The following FBRS variants were observed in gnomAD, a reference collection of about 807,000 sequenced individuals.
The protein encoded by FBRS is probable fibrosin-1.
FBRS carries 15 observed loss-of-function variants against 86.1 expected under a neutral mutation model. That is an observed-to-expected ratio of 0.17 (90% confidence interval 0.12 to 0.27). FBRS has a LOEUF of 0.27. Ranked by LOEUF, FBRS falls within the 10% of genes least tolerant of loss-of-function variation. The pLI is 1.00. For missense variants in FBRS, 1,367 were observed against 1,301.6 expected (o/e 1.05, Z -0.77); for synonymous variants, 666 against 575.8 (o/e 1.16, Z -2.24).
In FBRS at chr16:30,662,823, C is replaced by G; in HGVS notation, c.1019C>G (p.Ser340Cys). 6.8e-7 allele frequency: 1 copy of G among 1,465,230 alleles called. No individual in the cohort carries two copies. Among genetic ancestry groups the G allele is most frequent in the East Asian group, 2.5e-5 (1 of 39,958 alleles). The allele number at this position is 1,465,230 out of a possible 1,614,324, so 90.8% of individuals were successfully genotyped here. ...GTCTCACCCTTCGGCCTCCGCACTT[C>G]TCCATATGGCAGCAGCCTGGACCTC... ...LRVSPFGLRT[S>C]PYGSSLDLST... The change falls in exon 6 of 18, where the codon TCT (serine) becomes TGT (cysteine). Residue 340 changes from serine to cysteine, a missense_variant. By Grantham distance (112) the Ser-to-Cys change is moderately radical. Around this residue, in one of 3 missense-constraint regions of FBRS, gnomAD observed 702 missense variants for 598.7 expected, o/e 1.17. Coordinates refer to ENST00000356166, the MANE Select transcript of FBRS (RefSeq NM_001105079.3).
rs372786194 is a variant in FBRS, at chr16:30,668,572, G to A, written c.2087G>A (p.Arg696His). The change falls in exon 16 of 18, where the codon CGT becomes CAT. Residue 696 changes from arginine to histidine, a missense_variant. By Grantham distance (29) the Arg-to-His change is conservative. This residue lies in a region of FBRS where 659 missense variants were observed against 678.8 expected (regional missense o/e 0.97). Coordinates refer to ENST00000356166, the MANE Select transcript of FBRS (RefSeq NM_001105079.3). ...TTTCCTCCCACAGATCCCTTTGGGC[G>A]TCCCACAAGCTTCGCCTCTTTGGCT... ...SPSTHIDPFG[R>H]PTSFASLAAL... is the part of the protein sequence containing the mutation. 25 of 1,612,080 alleles carry A rather than the reference G, an allele frequency of 1.6e-5. No individual in the cohort carries two copies. The highest frequency in any genetic ancestry group is 6.7e-5 in the East Asian group (3 of 44,812).
chr16:30,668,666 G>A (rs199535033), intron 16 of FBRS, 23 bp downstream of exon 16: 21 of 1,583,912 alleles, frequency 1.3e-5, no homozygotes, highest in Middle Eastern at 1.7e-4. Flanking sequence ...GCGGTGGGGT[G>A]GGGGGGCTGC....
Position 30,670,011 on chromosome 16 carries a change from G to A in FBRS, c.*366G>A, listed in dbSNP as rs1021992298. ...GCCAGAGGCCAAAGTGCCCCCTCCC[G>A]TTCACCTACCACCCAAGTCCTCATG... is the stretch of plus-strand genomic sequence containing the variant. On this transcript the variant is annotated 3_prime_UTR_variant, in exon 18 of 18. Coordinates refer to ENST00000356166, the MANE Select transcript of FBRS (RefSeq NM_001105079.3). 12 of 512,660 alleles carry A rather than the reference G, an allele frequency of 2.3e-5. No homozygotes were observed. Among genetic ancestry groups the A allele is most frequent in the Admixed American group, 4.9e-5 (2 of 40,404 alleles). The allele number at this position is 512,660 out of a possible 1,614,324, so 31.8% of individuals were successfully genotyped here.
intron 4 of FBRS, 30 bp from the exon 5 acceptor site, chr16:30,662,390 C>G (rs2052471940): frequency 6.5e-7 from 1 of 1,549,972 alleles, no homozygotes; most frequent in African/African-American, 1.4e-5. Context: ...CACCCACAAC[C>G]TAACTCTATC....
Position 30,665,026 on chromosome 16 carries a change from C to T in FBRS, c.1564-9C>T, listed in dbSNP as rs770487677. The T allele has an allele frequency of 1.2e-6, 2 of 1,613,334 alleles. No individual in the cohort carries two copies. Among genetic ancestry groups the T allele is most frequent in the Non-Finnish European group, 1.7e-6 (2 of 1,179,620 alleles). On this transcript the variant is annotated splice_polypyrimidine_tract_variant and intron_variant, in intron 8 of 17. Coordinates refer to ENST00000356166, the MANE Select transcript of FBRS (RefSeq NM_001105079.3). The surrounding 1 kb of genome is among the most constrained non-coding windows in gnomAD (Gnocchi z 4.1). ...GGCTGGCAGCTTACTCTTCCCTTCTCTTCCCTAGTTTGAGAAATATCCAGG... is the reference window on the plus strand; with the variant it reads ...GGCTGGCAGCTTACTCTTCCCTTCTTTTCCCTAGTTTGAGAAATATCCAGG...
In FBRS at chr16:30,659,855, G is replaced by C. The variant is rs1596611944; in HGVS notation, c.337G>C (p.Glu113Gln). The change falls in exon 1 of 18, where the codon GAG (glutamate) becomes CAG (glutamine). Residue 113 changes from glutamate (E) to glutamine (Q), a missense_variant. Glu to Gln is a conservative substitution (Grantham distance 29). Coordinates refer to ENST00000356166, the MANE Select transcript of FBRS (RefSeq NM_001105079.3). ...CCGCGGGGAGGAAGAGGAGGAGGAGGAGGAGGAGGGGGGCGCAGACGACGG... is the reference window on the plus strand; with the variant it reads ...CCGCGGGGAGGAAGAGGAGGAGGAGCAGGAGGAGGGGGGCGCAGACGACGG... ...GSRGEEEEEEEEEGGADDGEA... is the reference protein window; with the variant it reads ...GSRGEEEEEEQEEGGADDGEA... 6.5e-7 allele frequency: 1 copy of C among 1,539,624 alleles called. No individual in the cohort carries two copies. The highest frequency in any genetic ancestry group is 2.5e-5 in the East Asian group (1 of 40,770).
At position 30,662,773 on chromosome 16, in the gene FBRS, A is replaced by G; in HGVS notation, c.969A>G (p.Pro323=). ...PLPATPSLPP[P]PQPQLQLRVS... ...CGGCCACTCCCAGTCTGCCACCCCCACCCCAGCCCCAGCTGCAGCTTCGGG... is the reference window on the plus strand; with the variant it reads ...CGGCCACTCCCAGTCTGCCACCCCCGCCCCAGCCCCAGCTGCAGCTTCGGG... Residue 323 remains proline (P), a synonymous_variant, in exon 6 of 18, where the codon CCA becomes CCG. Transcript: ENST00000356166. 1.2e-5 allele frequency: 18 copies of G among 1,499,278 alleles called. No individual in the cohort carries two copies. Among genetic ancestry groups the G allele is most frequent in the Non-Finnish European group, 1.6e-5 (18 of 1,118,670 alleles). The allele number at this position is 1,499,278 out of a possible 1,614,324, so 92.9% of individuals were successfully genotyped here.
intron 13 of FBRS, 139 bp downstream of exon 13, chr16:30,667,129 C>G (rs1200138388): frequency 9.9e-7 from 1 of 1,014,222 alleles, no homozygotes. Context: ...CTGAACAGTT[C>G]TATGGCTGGC....
rs1467263799 is a variant in FBRS, at chr16:30,664,568, GC to G, written c.1357+55del. 8 of 1,428,654 alleles carry G rather than the reference GC, an allele frequency of 5.6e-6. No individual in the cohort carries two copies. The African/African-American group carries it at 1.2e-4, about 21-fold the overall frequency. The allele number at this position is 1,428,654 out of a possible 1,614,324, so 88.5% of individuals were successfully genotyped here. On this transcript the variant is annotated intron_variant, in intron 7 of 17. Transcript: ENST00000356166. ...TGGGGGGCCATCACCCCGGGCTCGG[GC>G]CCAGTTGGCTTTGGGGCACCTGAGC...
In FBRS at chr16:30,666,515, C is replaced by T; in HGVS notation, c.1777C>T (p.Pro593Ser). 1.9e-6 allele frequency: 3 copies of T among 1,614,012 alleles called. No homozygotes were observed. ...SGLSQKGTQIPDHFRPPLRKP... is the reference protein window; with the variant it reads ...SGLSQKGTQISDHFRPPLRKP... ...ATCTCTCCTTTGCCATCCCCAGATC[C>T]CCGACCATTTCCGGCCACCTTTGAG... Residue 593 changes from proline (P) to serine (S), a missense_variant, in exon 12 of 18, where the codon CCC becomes TCC. This residue lies in a region of FBRS where 659 missense variants were observed against 678.8 expected (regional missense o/e 0.97). Coordinates refer to ENST00000356166, the MANE Select transcript of FBRS (RefSeq NM_001105079.3).
At chr16:30,662,134 A>G in intron 4 of FBRS, 2 of 403,386 alleles carry the variant, frequency 5.0e-6, no homozygotes, top group South Asian at 7.8e-5. Context: ...GCCAGCAGCT[A>G]GTGACCTCTG....
intron 4 of FBRS, among the ~76,000 whole-genome samples, chr16:30,661,589 T>A (rs963458660): frequency 2.0e-5 from 3 of 152,128 alleles, no homozygotes; most frequent in Admixed American, 6.6e-5. Flanking sequence ...TCCAAAGCCC[T>A]TGAGCTACTT....
rs1049698020 is a variant in FBRS at position 30,659,826 on chromosome 16, G to A, written c.308G>A (p.Gly103Asp). The A allele has an allele frequency of 6.6e-7, 1 of 1,522,714 alleles. No individual in the cohort carries two copies. The highest frequency in any genetic ancestry group is 8.8e-7 in the Non-Finnish European group (1 of 1,139,078). The allele number at this position is 1,522,714 out of a possible 1,614,324, so 94.3% of individuals were successfully genotyped here. A position where few individuals can be genotyped will look rare whatever the true frequency, so the allele number is the denominator to read the frequency against. Reference protein sequence around the residue: ...PRARKRPAGSGSRGEEEEEEE... With the variant: ...PRARKRPAGSDSRGEEEEEEE... ...GCTCGGAAGCGGCCTGCCGGCTCGG[G>A]CAGCCGCGGGGAGGAAGAGGAGGAG... The change falls in exon 1 of 18, where the codon GGC becomes GAC. Residue 103 changes from glycine to aspartate, a missense_variant. Gly to Asp is a moderately conservative substitution (Grantham distance 94, BLOSUM62 -1). Around this residue, in one of 3 missense-constraint regions of FBRS, gnomAD observed 702 missense variants for 598.7 expected, o/e 1.17. Transcript: ENST00000356166.
At position 30,668,774 on chromosome 16, in the gene FBRS, T is replaced by C; in HGVS notation, c.2161T>C (p.Ser721Pro). 6.2e-7 allele frequency: 1 copy of C among 1,600,366 alleles called. No individual in the cohort carries two copies. The change falls in exon 17 of 18, where the codon TCC (serine) becomes CCC (proline). Residue 721 changes from serine (S) to proline (P), a missense_variant and splice_region_variant. By Grantham distance (74) the Ser-to-Pro change is moderately conservative. Coordinates refer to ENST00000356166, the MANE Select transcript of FBRS (RefSeq NM_001105079.3). ...FGGLGSPTFNSGAVFAQKESP... is the reference protein window; with the variant it reads ...FGGLGSPTFNPGAVFAQKESP... ...TCTCTGCTTCACCCTCTGCCCAGAC[T>C]CCGGCGCCGTCTTTGCCCAGAAAGA...
rs890024987 is a variant in FBRS, at chr16:30,664,377, C to T, written c.1218C>T (p.Ser406=). ...PSLPLPLSTH[S]FPPPGLRPPP... ...TGCCCCTGCCTTTGTCCACCCACAG[C>T]TTTCCCCCTCCCGGGCTGCGGCCCC... The change falls in exon 7 of 18, where the codon AGC becomes AGT. Residue 406 remains serine, a synonymous_variant. Transcript: ENST00000356166. 4.6e-6 allele frequency: 7 copies of T among 1,518,354 alleles called. No individual in the cohort carries two copies. The African/African-American group carries it at 8.3e-5, about 18-fold the overall frequency. The allele number at this position is 1,518,354 out of a possible 1,614,324, so 94.1% of individuals were successfully genotyped here.
At chr16:30,666,781 C>G in intron 12 of FBRS, 138 bp from the exon 13 acceptor site, 1 of 1,130,304 alleles carries the variant, frequency 8.8e-7, no homozygotes, top group Non-Finnish European at 1.3e-6. Flanking sequence ...GTAAAATGAA[C>G]CTAGTCATCC....
Position 30,658,576 on chromosome 16 carries a change from A to G in FBRS, c.-943A>G, listed in dbSNP as rs1239174033. On this transcript the variant is annotated 5_prime_UTR_variant, in exon 1 of 18. Coordinates refer to ENST00000356166, the MANE Select transcript of FBRS (RefSeq NM_001105079.3). ...GCCCATCGGCCGTTCCGGATCCCCT[A>G]AGGCCCAAGTCGGACAGAGACGGAG... The G allele has an allele frequency of 1.3e-5, 2 of 152,518 alleles. No homozygotes were observed. The highest frequency in any genetic ancestry group is 2.9e-5 in the Non-Finnish European group (2 of 68,250). 9.4% of individuals were successfully genotyped at this position (152,518 alleles called of 1,614,324 possible). A position where few individuals can be genotyped will look rare whatever the true frequency, so the allele number is the denominator to read the frequency against.
rs1596612537 is a variant in FBRS, at chr16:30,660,320, A to G, written c.517A>G (p.Lys173Glu). Residue 173 changes from lysine (K) to glutamate (E), a missense_variant, in exon 2 of 18, where the codon AAG (lysine) becomes GAG (glutamate). Lys to Glu is a moderately conservative substitution (Grantham distance 56, BLOSUM62 1). Around this residue, in one of 3 missense-constraint regions of FBRS, gnomAD observed 702 missense variants for 598.7 expected, o/e 1.17. Transcript: ENST00000356166. ...GGAACATCGGCTGAAGCATTCTGGG[A>G]AGCGGAAAAGGGGGGGCTCCAGTGG... ...RLEHRLKHSG[K>E]RKRGGSSGAT... 1 of 1,301,196 alleles carries G rather than the reference A, an allele frequency of 7.7e-7. No homozygotes were observed. 80.6% of individuals were successfully genotyped at this position (1,301,196 alleles called of 1,614,324 possible). A position where few individuals can be genotyped will look rare whatever the true frequency, so the allele number is the denominator to read the frequency against.
At chr16:30,660,515 T>C (rs752140370) in intron 2 of FBRS, 73 bp downstream of exon 2, 23 of 1,256,876 alleles carry the variant, frequency 1.8e-5, no homozygotes, top group Non-Finnish European at 1.8e-5. Flanking sequence ...GCAACGCCAC[T>C]GCCCCTTGTA....
Sources: gnomAD v4.1 joint callset for allele counts (sites outside exome capture counted in the v4.1 genomes callset) on GRCh38, gnomAD v4.1.1 for gene constraint, gnomAD v4.1.1 regional missense constraint, Gnocchi (gnomAD v3.1) non-coding constraint, MANE v1.5 for transcripts, NCBI Gene and HGNC (gene_info 2026-07-23, HGNC 2026-07-21) for gene names.